Variants in RNF150 observed in about 807,000 individuals in gnomAD.
RNF150 encodes the protein ring finger protein 150.
Under a neutral mutation model 39.3 loss-of-function variants are expected in RNF150, and 24 were observed. The observed-to-expected ratio is 0.61, with a 90% confidence interval of 0.44 to 0.86. The LOEUF (loss-of-function observed/expected upper bound fraction) is 0.86, where lower values mean the gene tolerates loss of function less well. RNF150 is among the 40% of genes least tolerant of loss of function. RNF150 has a pLI of 0.00. For missense variants in RNF150, 502 were observed against 587.8 expected, an observed-to-expected ratio of 0.85 and a Z score of 1.51; for synonymous variants, 255 against 227.3, an observed-to-expected ratio of 1.12 and a Z score of -1.10.
intron 1 of RNF150, among the ~76,000 whole-genome samples, chr4:141,198,289 A>T (rs1008828974): frequency 2.6e-5 from 4 of 152,136 alleles, no homozygotes; most frequent in African/African-American, 9.7e-5. Flanking sequence ...GGCCTCCCAA[A>T]GTGCAGGGAT....
At chr4:140,990,248 C>T (rs904962448) in intron 1 of RNF150, among the ~76,000 whole-genome samples, 7 of 152,168 alleles carry the variant, frequency 4.6e-5, no homozygotes, top group Non-Finnish European at 7.3e-5. Context: ...AATGGTTTCC[C>T]TTTGCTTATT....
At chr4:141,099,856 G>A (rs1339372880) in intron 1 of RNF150, among the ~76,000 whole-genome samples, 1 of 152,012 alleles carries the variant, frequency 6.6e-6, no homozygotes, top group African/African-American at 2.4e-5. Context: ...AGTATGTGAT[G>A]TGAACCCTCA....
chr4:141,194,913 T>C (rs1294642854), intron 1 of RNF150, among the ~76,000 whole-genome samples: 1 of 152,162 alleles, frequency 6.6e-6, no homozygotes, highest in African/African-American at 2.4e-5. Flanking sequence ...CCTCATAGGC[T>C]GGTCATGAGG....
chr4:141,163,025 C>A (rs989098306), intron 1 of RNF150, among the ~76,000 whole-genome samples: 1 of 152,162 alleles, frequency 6.6e-6, no homozygotes, highest in Non-Finnish European at 1.5e-5. Flanking sequence ...CCCACCACCA[C>A]GGAGCCCAGC....
chr4:140,911,387 C>A (rs552590068), intron 5 of RNF150, 33 bp from the exon 6 acceptor site: 1 of 1,569,452 alleles, frequency 6.4e-7, no homozygotes, highest in Non-Finnish European at 8.8e-7. Flanking sequence ...GTTCTCAGTA[C>A]ATGTCATCCA....
chr4:141,184,370 G>A (rs1578785670), intron 1 of RNF150, among the ~76,000 whole-genome samples: 1 of 151,854 alleles, frequency 6.6e-6, no homozygotes, highest in Non-Finnish European at 1.5e-5. Context: ...TCTTGTAAAT[G>A]TGTTTAAGTT....
intron 1 of RNF150, among the ~76,000 whole-genome samples, chr4:141,073,104 A>G (rs995067382): frequency 2.6e-5 from 4 of 152,004 alleles, no homozygotes; most frequent in African/African-American, 7.2e-5. Flanking sequence ...AATCCCAGCT[A>G]CATCAGGTGA....
intron 1 of RNF150, among the ~76,000 whole-genome samples, chr4:141,184,414 A>C (rs1211964515): frequency 6.6e-6 from 1 of 152,160 alleles, no homozygotes; most frequent in African/African-American, 2.4e-5. Context: ...CCTTTGTCAG[A>C]TGGATAGATT....
chr4:141,004,141 A>G (rs896790625), intron 1 of RNF150, among the ~76,000 whole-genome samples: 2 of 151,464 alleles, frequency 1.3e-5, no homozygotes, highest in Non-Finnish European at 2.9e-5. Context: ...GCTAGGCTCT[A>G]TGGCTACAAT....
At chr4:140,980,118 C>T (rs908562551) in intron 1 of RNF150, among the ~76,000 whole-genome samples, 2 of 152,098 alleles carry the variant, frequency 1.3e-5, no homozygotes, top group African/African-American at 4.8e-5. Context: ...TCTTGGGTCA[C>T]CGCAACTTCT....
intron 1 of RNF150, among the ~76,000 whole-genome samples, chr4:141,159,729 C>T (rs354925): frequency 6.6e-6 from 1 of 152,036 alleles, no homozygotes; most frequent in African/African-American, 2.4e-5. Flanking sequence ...TTTTTGTAAA[C>T]GCAGGGTTTC....
intron 1 of RNF150, among the ~76,000 whole-genome samples, chr4:141,118,736 G>A (rs887330588): frequency 1.3e-5 from 2 of 152,080 alleles, no homozygotes; most frequent in Non-Finnish European, 2.9e-5. Context: ...TGAGATACGT[G>A]TTTTTCTGTT....
chr4:140,910,685 C>T (rs1730559879), intron 6 of RNF150, among the ~76,000 whole-genome samples: 2 of 145,426 alleles, frequency 1.4e-5, no homozygotes, highest in Middle Eastern at 7.2e-3. Flanking sequence ...CATACAGTCA[C>T]ACGCACACTC....
intron 5 of RNF150, among the ~76,000 whole-genome samples, chr4:140,925,100 A>C (rs1731337780): frequency 6.6e-6 from 1 of 152,158 alleles, no homozygotes; most frequent in Non-Finnish European, 1.5e-5. Flanking sequence ...AGCAAAGTGG[A>C]GGGGCTGAGG....
intron 1 of RNF150, among the ~76,000 whole-genome samples, chr4:141,025,851 T>C (rs1481888639): frequency 6.6e-6 from 1 of 152,208 alleles, no homozygotes; most frequent in Admixed American, 6.5e-5. Context: ...GACTGAATGT[T>C]TGTGTCCTCT....
chr4:140,988,961 C>G (rs1734103710), intron 1 of RNF150, among the ~76,000 whole-genome samples: 1 of 152,010 alleles, frequency 6.6e-6, no homozygotes, highest in Admixed American at 6.6e-5. Context: ...AATGAGAACA[C>G]TTGGACACAG....
intron 1 of RNF150, among the ~76,000 whole-genome samples, chr4:141,063,341 T>A (rs56038233): frequency 0.26 from 39,423 of 151,948 alleles, 5,141 homozygotes; most frequent in Middle Eastern, 0.4. Flanking sequence ...GGACATGGAT[T>A]TCCAAATTTA....
chr4:141,097,918 T>G (rs1042768642), intron 1 of RNF150, among the ~76,000 whole-genome samples: 9 of 152,154 alleles, frequency 5.9e-5, no homozygotes, highest in South Asian at 4.1e-4. Context: ...TCCTTGAGAT[T>G]TGAGACAAAT....
intron 2 of RNF150, among the ~76,000 whole-genome samples, chr4:140,964,428 T>C (rs1185957048): frequency 1.3e-5 from 2 of 152,016 alleles, no homozygotes; most frequent in Non-Finnish European, 2.9e-5. Flanking sequence ...TAATAAATGT[T>C]ATACATTATT....
Sources: gnomAD v4.1 joint callset for allele counts (sites outside exome capture counted in the v4.1 genomes callset) on GRCh38, gnomAD v4.1.1 for gene constraint, MANE v1.5 for transcripts, NCBI Gene and HGNC (gene_info 2026-07-23, HGNC 2026-07-21) for gene names.